The following TP73 variants were observed in gnomAD, a reference collection of about 807,000 sequenced individuals.
TP73 encodes tumor protein p73.
TP73 carries 25 observed loss-of-function variants against 62.5 expected under a neutral mutation model. The observed-to-expected ratio is 0.40, with a 90% confidence interval of 0.29 to 0.56. The LOEUF is 0.56. TP73 is among the 20% of genes least tolerant of loss of function. The probability of loss-of-function intolerance (pLI) is 0.46; values close to 1 mark genes in which losing one functional copy is unlikely to be tolerated. For synonymous variants in TP73, 423 were observed against 377.5 expected, an observed-to-expected ratio of 1.12 and a Z score of -1.40; for missense variants, 754 against 913.3, an observed-to-expected ratio of 0.83 and a Z score of 2.25.
intron 13 of TP73, 68 bp from the exon 14 acceptor site, chr1:3,732,679 C>A: frequency 1.4e-6 from 2 of 1,428,110 alleles, no homozygotes; most frequent in Non-Finnish European, 9.4e-7. Context: ...GACCTCCAGG[C>A]CCAGGGCGAC....
At chr1:3,715,009 G>A (rs767903990) in intron 4 of TP73, among the ~76,000 whole-genome samples, 20 of 152,198 alleles carry the variant, frequency 1.3e-4, no homozygotes, top group Admixed American at 2.0e-4. Flanking sequence ...GGACAGCGGC[G>A]ACCGGGTGGG....
chr1:3,660,280 C>T (rs537430495), intron 1 of TP73, among the ~76,000 whole-genome samples: 1 of 152,294 alleles, frequency 6.6e-6, no homozygotes, highest in African/African-American at 2.4e-5. Context: ...TTCCTCAACC[C>T]GTGAGGCTGC....
In TP73 at chr1:3,699,290, C is replaced by T. The variant is rs1018057737; in HGVS notation, c.187-8259C>T. Among the ~76,000 whole-genome samples, 8 of 152,296 alleles carry T rather than the reference C, an allele frequency of 5.3e-5. No individual in the cohort carries two copies. The highest frequency in any genetic ancestry group is 1.9e-4 in the African/African-American group (8 of 41,552). The stretch of plus-strand genomic sequence containing the variant: ...CGAAGCCCAGGCTGCTTGTCAGTCA[C>T]TCACCCCTGGGTGAGGTTGGGGCCC... On this transcript the variant is annotated intron_variant, in intron 3 of 13. Coordinates refer to ENST00000378295, the MANE Select transcript of TP73 (RefSeq NM_005427.4). The surrounding 1 kb of genome is among the most constrained non-coding windows in gnomAD (Gnocchi z 4.1).
At chr1:3,704,698 C>T (rs1393614105) in intron 3 of TP73, among the ~76,000 whole-genome samples, 1 of 152,194 alleles carries the variant, frequency 6.6e-6, no homozygotes, top group Non-Finnish European at 1.5e-5. Context: ...AAGCAGGTCT[C>T]AGACACCTCA....
intron 5 of TP73, 108 bp from the exon 6 acceptor site, chr1:3,723,246 G>T: frequency 1.2e-6 from 1 of 829,656 alleles, no homozygotes; most frequent in South Asian, 1.6e-5. Flanking sequence ...CACCTGACAT[G>T]GGGCTGGGCA....
At position 3,726,717 on chromosome 1, in the gene TP73, A is replaced by G. The variant is rs1641659320; in HGVS notation, c.733-398A>G. ...ATGGTTGGATGGGGTGGGTGGATGG[A>G]TGGGGTTCGTGGATGGATGGGGTTG... is the stretch of plus-strand genomic sequence containing the variant. On this transcript the variant is annotated intron_variant, in intron 6 of 13. Transcript: ENST00000378295. 4.7e-5 allele frequency among the ~76,000 whole-genome samples: 6 copies of G among 127,314 alleles called. No individual in the cohort carries two copies. In the Admixed American group the frequency reaches 4.9e-4, roughly 10 times the overall value. The allele number at this position is 127,314 out of a possible 152,430, so 83.5% of individuals were successfully genotyped here. A position where few individuals can be genotyped will look rare whatever the true frequency, so the allele number is the denominator to read the frequency against.
chr1:3,695,525 CT>C (rs1191081059), intron 3 of TP73, among the ~76,000 whole-genome samples: 1 of 152,228 alleles, frequency 6.6e-6, no homozygotes, highest in Non-Finnish European at 1.5e-5. Flanking sequence ...GTGGCCACCC[CT>C]GTGCTGAGGA....
intron 1 of TP73, among the ~76,000 whole-genome samples, chr1:3,652,950 C>T (rs1427923427): frequency 6.6e-6 from 1 of 152,164 alleles, no homozygotes; most frequent in African/African-American, 2.4e-5. Context: ...CTCCTGCTGT[C>T]CCCTCTCCAC....
chr1:3,658,006 C>T (rs1181068598), intron 1 of TP73, among the ~76,000 whole-genome samples: 1 of 152,206 alleles, frequency 6.6e-6, no homozygotes, highest in Non-Finnish European at 1.5e-5. Context: ...GGACATCGGT[C>T]TGCGCGGAAG....
At chr1:3,678,486 G>C (rs1645425673) in intron 1 of TP73, among the ~76,000 whole-genome samples, 1 of 152,232 alleles carries the variant, frequency 6.6e-6, no homozygotes, top group African/African-American at 2.4e-5. Flanking sequence ...GTGCCTGTGA[G>C]CAGTGTTCCT....
In TP73 at chr1:3,671,027, G is replaced by A. The variant is rs575370091; in HGVS notation, c.-33-11306G>A. ...ACCAGCGTCTCTTAAATGGGGGTGC[G>A]CGGGCCCTGAGGAGTGAGGCTTCCT... is the stretch of plus-strand genomic sequence containing the variant. On this transcript the variant is annotated intron_variant, in intron 1 of 13. Transcript: ENST00000378295. 6.6e-5 allele frequency among the ~76,000 whole-genome samples: 10 copies of A among 152,306 alleles called. No individual in the cohort carries two copies. The East Asian group carries it at 1.2e-3, about 18-fold the overall frequency.
intron 1 of TP73, among the ~76,000 whole-genome samples, chr1:3,673,244 G>C (rs1283016268): frequency 6.6e-6 from 1 of 152,200 alleles, no homozygotes; most frequent in Non-Finnish European, 1.5e-5. Context: ...GAAATGGAGA[G>C]GCACTCGAAG....
chr1:3,717,620 C>T (rs1640717287), intron 4 of TP73, among the ~76,000 whole-genome samples: 1 of 152,218 alleles, frequency 6.6e-6, no homozygotes, highest in African/African-American at 2.4e-5. Flanking sequence ...TCCTCCTCCT[C>T]CTGCCCGTTT....
intron 3 of TP73, chr1:3,697,994 C>T (rs765522496): frequency 3.5e-5 from 27 of 761,770 alleles, no homozygotes; most frequent in South Asian, 1.8e-4. Flanking sequence ...CTGCACTGCA[C>T]GTGTCATAAT....
intron 1 of TP73, among the ~76,000 whole-genome samples, chr1:3,657,222 CGGG>C (rs1644884310): frequency 6.6e-6 from 1 of 152,196 alleles, no homozygotes; most frequent in Admixed American, 6.5e-5. Flanking sequence ...TGGGCAGGGT[CGGG>C]TTCCCTCGGA....
At chr1:3,661,782 T>C (rs1260842181) in intron 1 of TP73, among the ~76,000 whole-genome samples, 3 of 147,910 alleles carry the variant, frequency 2.0e-5, no homozygotes, top group South Asian at 4.2e-4. Context: ...TAATATGTAT[T>C]ATATATATAC....
At chr1:3,703,510 G>T (rs549093592) in intron 3 of TP73, among the ~76,000 whole-genome samples, 1 of 152,242 alleles carries the variant, frequency 6.6e-6, no homozygotes, top group Admixed American at 6.5e-5. Flanking sequence ...GCCGCCTGCC[G>T]CAAGGGCCTG....
intron 6 of TP73, among the ~76,000 whole-genome samples, chr1:3,724,884 T>TGGC (rs1358482705): frequency 5.3e-5 from 8 of 152,196 alleles, no homozygotes; most frequent in Non-Finnish European, 7.3e-5. Flanking sequence ...CCGAGCCTCG[T>TGGC]GGCGCATGCC....
At position 3,733,818 on chromosome 1, in the gene TP73, C is replaced by G. The variant is rs1642310476; in HGVS notation, c.*739C>G. On this transcript the variant is annotated 3_prime_UTR_variant, in exon 14 of 14. Transcript: ENST00000378295. Reference sequence around the variant, plus strand: ...CCCCTCAGCCTGGCCACAGTCGCCTCTCCTCGGGGACCCCTCAGCAGAAAG... The same window carrying G: ...CCCCTCAGCCTGGCCACAGTCGCCTGTCCTCGGGGACCCCTCAGCAGAAAG... 1 of 152,200 alleles carries G rather than the reference C, an allele frequency of 6.6e-6. No individual in the cohort carries two copies. The highest frequency in any genetic ancestry group is 2.1e-4 in the South Asian group (1 of 4,834). 9.4% of individuals were successfully genotyped at this position (152,200 alleles called of 1,614,324 possible). A position where few individuals can be genotyped will look rare whatever the true frequency, so the allele number is the denominator to read the frequency against.
Sources: gnomAD v4.1 joint callset for allele counts (sites outside exome capture counted in the v4.1 genomes callset) on GRCh38, gnomAD v4.1.1 for gene constraint, Gnocchi (gnomAD v3.1) non-coding constraint, MANE v1.5 for transcripts, NCBI Gene and HGNC (gene_info 2026-07-23, HGNC 2026-07-21) for gene names.